CSGALNACT2: variants seen among roughly 807,000 people sequenced by gnomAD.
CSGALNACT2 encodes chondroitin sulfate N-acetylgalactosaminyltransferase 2.
CSGALNACT2 carries 35 observed loss-of-function variants against 55.3 expected under a neutral mutation model. The observed-to-expected ratio is 0.63, with a 90% CI of 0.48 to 0.84. The LOEUF (loss-of-function observed/expected upper bound fraction) is 0.84, where lower values mean the gene tolerates loss of function less well. Ranked by LOEUF, CSGALNACT2 falls within the 40% of genes least tolerant of loss-of-function variation. The probability of loss-of-function intolerance (pLI) is 0.00; values close to 1 mark genes in which losing one functional copy is unlikely to be tolerated. For synonymous variants in CSGALNACT2, 196 were observed against 224.9 expected (o/e 0.87, Z 1.15); for missense variants, 544 against 657.5 (o/e 0.83, Z 1.89).
At chr10:43,139,172 CTTTTGAGA>C (rs1479012719) in intron 1 of CSGALNACT2, among the ~76,000 whole-genome samples, 1 of 152,184 alleles carries the variant, frequency 6.6e-6, no homozygotes, top group African/African-American at 2.4e-5. Context: ...TTCTAGCGTG[CTTTTGAGA>C]TAGATATGGG....
In CSGALNACT2 at chr10:43,155,772, G is replaced by T; in HGVS notation, c.623G>T (p.Gly208Val). 6.2e-7 allele frequency: 1 copy of T among 1,611,316 alleles called. No homozygotes were observed. The highest frequency in any genetic ancestry group is 1.1e-5 in the South Asian group (1 of 90,398). ...DEQEDEEGPL[G>V]EKLIFNENDF... is the part of the protein sequence containing the mutation. ...CAAGAAGATGAGGAGGGTCCCCTTG[G>T]AGAGAAACTGATATTTAATGAAAAT... The change falls in exon 2 of 8, where the codon GGA (glycine) becomes GTA (valine). Residue 208 changes from glycine (G) to valine (V), a missense_variant. By Grantham distance (109) the Gly-to-Val change is moderately radical (BLOSUM62 -3). This residue lies in a region of CSGALNACT2 where 374 missense variants were observed against 401.3 expected (regional missense o/e 0.93). Coordinates refer to ENST00000374466, the MANE Select transcript of CSGALNACT2 (RefSeq NM_018590.5).
At chr10:43,159,045 C>A (rs1839086049) in intron 3 of CSGALNACT2, 114 bp downstream of exon 3, 2 of 638,752 alleles carry the variant, frequency 3.1e-6, no homozygotes, top group Non-Finnish European at 5.4e-6. Context: ...ATTTTACAGG[C>A]TTTAGGGGAA....
At chr10:43,164,453 A>ACACT (rs1416791995) in intron 5 of CSGALNACT2, among the ~76,000 whole-genome samples, 1 of 152,250 alleles carries the variant, frequency 6.6e-6, no homozygotes, top group East Asian at 1.9e-4. Context: ...GTGTGCACAC[A>ACACT]CACTCACATG....
chr10:43,183,410 C>A lies in CSGALNACT2; in HGVS notation c.1497C>A (p.Tyr499Ter). The A allele has an allele frequency of 6.2e-7, 1 of 1,614,196 alleles. No individual in the cohort carries two copies. The highest frequency in any genetic ancestry group is 2.2e-5 in the East Asian group (1 of 44,882). The stretch of plus-strand genomic sequence containing the variant: ...CTGATGAGCTGACCCCCGAGCAGTA[C>A]CGCATGTGCATCCAGTCTAAAGCCA... ...RCADELTPEQ[Y>*]RMCIQSKAMN... Residue 499 changes from tyrosine (Y) to a stop codon, truncating the protein, a stop_gained, in exon 8 of 8, where the codon TAC becomes TAA. Transcript: ENST00000374466. LOFTEE classifies it high-confidence loss of function.
At chr10:43,140,307 G>A (rs1838592710) in intron 1 of CSGALNACT2, among the ~76,000 whole-genome samples, 1 of 152,154 alleles carries the variant, frequency 6.6e-6, no homozygotes, top group African/African-American at 2.4e-5. Flanking sequence ...CCAACATGGA[G>A]TCATTACCAA....
chr10:43,155,858 C>A, intron 2 of CSGALNACT2, 48 bp downstream of exon 2: 1 of 1,449,958 alleles, frequency 6.9e-7, no homozygotes, highest in Non-Finnish European at 9.5e-7. Context: ...AAGACAAATG[C>A]TAGTATTGTA....
At chr10:43,148,682 T>A (rs1838812476) in intron 1 of CSGALNACT2, among the ~76,000 whole-genome samples, 1 of 152,214 alleles carries the variant, frequency 6.6e-6, no homozygotes, top group South Asian at 2.1e-4. Flanking sequence ...CATTTTCAGA[T>A]TGCTTGTTGC....
At chr10:43,173,829 C>T (rs1052588501) in intron 6 of CSGALNACT2, among the ~76,000 whole-genome samples, 2 of 152,066 alleles carry the variant, frequency 1.3e-5, no homozygotes, top group African/African-American at 4.8e-5. Context: ...CCTGTCTCTA[C>T]TATAAATACC....
At chr10:43,158,989 T>G in intron 3 of CSGALNACT2, 58 bp downstream of exon 3, 1 of 977,630 alleles carries the variant, frequency 1.0e-6, no homozygotes, top group Non-Finnish European at 1.6e-6. Flanking sequence ...CACGTTTTAC[T>G]CAGATTTCCT....
intron 5 of CSGALNACT2, among the ~76,000 whole-genome samples, chr10:43,165,512 G>T (rs995311658): frequency 6.6e-6 from 1 of 152,166 alleles, no homozygotes; most frequent in East Asian, 1.9e-4. Context: ...TGGGGTGGGG[G>T]GGTGCTGCTG....
chr10:43,181,963 C>G (rs1839597818), intron 7 of CSGALNACT2, among the ~76,000 whole-genome samples: 1 of 130,992 alleles, frequency 7.6e-6, no homozygotes, highest in East Asian at 2.0e-4. Context: ...TGATAAATGT[C>G]CATGAAATCT....
intron 7 of CSGALNACT2, among the ~76,000 whole-genome samples, chr10:43,181,904 A>G (rs535867954): frequency 4.6e-5 from 1 of 21,816 alleles, no homozygotes; most frequent in East Asian, 4.3e-4. Context: ...TGACGGGATT[A>G]AGAGATTAAA....
chr10:43,177,127 A>C (rs533782566), intron 7 of CSGALNACT2, among the ~76,000 whole-genome samples: 2 of 152,298 alleles, frequency 1.3e-5, no homozygotes, highest in African/African-American at 2.4e-5. Flanking sequence ...AAATAACAAT[A>C]AAAGGGGCGT....
At chr10:43,165,371 CAA>C (rs373175491) in intron 5 of CSGALNACT2, among the ~76,000 whole-genome samples, 4 of 139,546 alleles carry the variant, frequency 2.9e-5, no homozygotes, top group Non-Finnish European at 3.1e-5. Flanking sequence ...TTCTTACCAC[CAA>C]AAAAAAAAAA....
intron 6 of CSGALNACT2, among the ~76,000 whole-genome samples, chr10:43,170,675 T>C (rs1839364683): frequency 6.6e-6 from 1 of 152,192 alleles, no homozygotes; most frequent in South Asian, 2.1e-4. Flanking sequence ...AGATACTCCC[T>C]CTTCCAGTAG....
chr10:43,141,376 C>A (rs1049932098), intron 1 of CSGALNACT2, among the ~76,000 whole-genome samples: 4 of 138,654 alleles, frequency 2.9e-5, no homozygotes, highest in African/African-American at 1.1e-4. Context: ...CGCCACCATG[C>A]CCGGCTAATT....
chr10:43,155,330 C>T lies in CSGALNACT2; in HGVS notation c.181C>T (p.Leu61=), dbSNP rs757053801. Residue 61 remains leucine (L), a synonymous_variant, in exon 2 of 8, where the codon CTA becomes TTA. Coordinates refer to ENST00000374466, the MANE Select transcript of CSGALNACT2 (RefSeq NM_018590.5). ...NYGKEYYQAL[L]QEQEEHYQTR... is the part of the protein sequence containing the mutation. ...TGGTAAAGAGTATTATCAAGCCCTCCTACAGGAACAAGAAGAACATTATCA... is the reference window on the plus strand; with the variant it reads ...TGGTAAAGAGTATTATCAAGCCCTCTTACAGGAACAAGAAGAACATTATCA... The T allele has an allele frequency of 2.5e-6, 4 of 1,614,118 alleles. No homozygotes were observed. In the South Asian group the frequency reaches 3.3e-5, roughly 13 times the overall value.
At chr10:43,157,991 T>A (rs1261633903) in intron 2 of CSGALNACT2, among the ~76,000 whole-genome samples, 1 of 142,856 alleles carries the variant, frequency 7.0e-6, no homozygotes, top group African/African-American at 2.6e-5. Flanking sequence ...ATTGCACCAC[T>A]GCACTCCAGC....
chr10:43,140,695 G>A (rs1050734263), intron 1 of CSGALNACT2, among the ~76,000 whole-genome samples: 25 of 152,186 alleles, frequency 1.6e-4, no homozygotes, highest in Non-Finnish European at 3.1e-4. Context: ...GAAGAATCAC[G>A]GGACTGCAAG....
Sources: allele counts gnomAD v4.1 joint callset (sites outside exome capture counted in the v4.1 genomes callset), GRCh38; gene constraint gnomAD v4.1.1; regional missense constraint gnomAD v4.1.1; transcripts MANE v1.5; gene names NCBI Gene and HGNC (gene_info 2026-07-23, HGNC 2026-07-21).